SMYD5: variants seen among roughly 807,000 people sequenced by gnomAD.
SMYD5 encodes protein-lysine N-trimethyltransferase SMYD5.
Under a neutral mutation model 57.4 loss-of-function variants are expected in SMYD5, and 35 were observed. The ratio of observed to expected loss-of-function variants is 0.61; its 90% confidence interval spans 0.47 to 0.81. The LOEUF (loss-of-function observed/expected upper bound fraction) is 0.81, where lower values mean the gene tolerates loss of function less well. Among genes scored for constraint, SMYD5 ranks in the 30% least tolerant of loss-of-function variants. SMYD5 has a pLI of 0.00. For missense variants in SMYD5, 471 were observed against 527.9 expected (o/e 0.89, Z 1.06); for synonymous variants, 198 against 189.7 (o/e 1.04, Z -0.36).
intron 6 of SMYD5, 70 bp from the exon 7 acceptor site, chr2:73,222,685 C>T (rs1257056677): frequency 5.8e-6 from 8 of 1,378,590 alleles, no homozygotes; most frequent in Non-Finnish European, 8.1e-6. Flanking sequence ...CCCTAGTCGC[C>T]TGGGCCCTGC....
chr2:73,223,372 C>A, intron 8 of SMYD5, 54 bp from the exon 9 acceptor site: 1 of 1,220,014 alleles, frequency 8.2e-7, no homozygotes, highest in Non-Finnish European at 1.2e-6. Context: ...AGGTGGAGAG[C>A]CCTGTGACCT....
chr2:73,220,763 A>G lies in SMYD5; in HGVS notation c.448A>G (p.Lys150Glu), dbSNP rs1289738998. 6.2e-7 allele frequency: 1 copy of G among 1,613,660 alleles called. No homozygotes were observed. The highest frequency in any genetic ancestry group is 8.5e-7 in the Non-Finnish European group (1 of 1,179,940). Residue 150 changes from lysine (K) to glutamate (E), a missense_variant, in exon 4 of 13, where the codon AAG (lysine) becomes GAG (glutamate). Lys to Glu is a moderately conservative substitution (Grantham distance 56). Transcript: ENST00000389501. ...SQDDPLHPLN[K>E]LQEAWRSIHY... ...GGATGACCCCTTGCATCCTCTCAAT[A>G]AGCTTCAGGAGGCATGGAGGTAGGT...
intron 7 of SMYD5, 68 bp from the exon 8 acceptor site, chr2:73,222,964 CCAAA>C (rs1686423807): frequency 3.3e-6 from 5 of 1,531,728 alleles, no homozygotes; most frequent in Admixed American, 1.7e-5. Context: ...AGAAGGCTTC[CCAAA>C]CAGAGAGTCC....
At chr2:73,224,604 C>G (rs146605813) in intron 10 of SMYD5, among the ~76,000 whole-genome samples, 55 of 152,320 alleles carry the variant, frequency 3.6e-4, no homozygotes, top group African/African-American at 1.2e-3. Context: ...CTGTCCCTCC[C>G]TTTGCGAGAC....
rs1686454446 is a variant in SMYD5 at position 73,224,001 on chromosome 2, G to T, written c.938G>T (p.Cys313Phe). The T allele has an allele frequency of 1.2e-6, 2 of 1,614,094 alleles. No individual in the cohort carries two copies. Among genetic ancestry groups the T allele is most frequent in the Non-Finnish European group, 1.7e-6 (2 of 1,179,934 alleles). Residue 313 changes from cysteine (C) to phenylalanine (F), a missense_variant and splice_region_variant, in exon 10 of 13, where the codon TGC (cysteine) becomes TTC (phenylalanine). Coordinates refer to ENST00000389501, the MANE Select transcript of SMYD5 (RefSeq NM_006062.3). ...EGSGLFVLQS[C>F]CNHSCVPNAE... Reference sequence around the variant, plus strand: ...TCTGGCCTCTTTGTGCTTCAGAGCTGCTGTGAGTCATGGCGTTGAGGAGGG... The same window carrying T: ...TCTGGCCTCTTTGTGCTTCAGAGCTTCTGTGAGTCATGGCGTTGAGGAGGG...
chr2:73,218,836 C>T (rs1307803890), intron 1 of SMYD5, 25 bp from the exon 2 acceptor site: 1 of 1,550,900 alleles, frequency 6.4e-7, no homozygotes, highest in East Asian at 2.2e-5. Flanking sequence ...CTTTTTATGG[C>T]CATCCTATCC....
At chr2:73,216,424 C>T (rs1366526822) in intron 1 of SMYD5, among the ~76,000 whole-genome samples, 2 of 150,406 alleles carry the variant, frequency 1.3e-5, no homozygotes, top group African/African-American at 2.4e-5. Context: ...GGCGTGGTGG[C>T]TCACACCTGT....
At chr2:73,224,817 A>G (rs755888852) in intron 10 of SMYD5, 49 bp from the exon 11 acceptor site, 19 of 1,384,154 alleles carry the variant, frequency 1.4e-5, no homozygotes, top group South Asian at 1.2e-5. Flanking sequence ...AATTGAGGCT[A>G]TTATTTTTTT....
chr2:73,221,146 CTT>C lies in SMYD5; in HGVS notation c.468-14_468-13del. 2 of 1,611,110 alleles carry C rather than the reference CTT, an allele frequency of 1.2e-6. No homozygotes were observed. Among genetic ancestry groups the C allele is most frequent in the Non-Finnish European group, 1.7e-6 (2 of 1,177,324 alleles). On this transcript the variant is annotated splice_polypyrimidine_tract_variant and intron_variant, in intron 4 of 12. Coordinates refer to ENST00000389501, the MANE Select transcript of SMYD5 (RefSeq NM_006062.3). Reference sequence around the variant, plus strand: ...CTAGGGAGAGAATTTCTAGGCCAATCTTTTTTCTCTTTCCCCAGGAGTATTCA... The same window carrying C: ...CTAGGGAGAGAATTTCTAGGCCAATCTTTTCTCTTTCCCCAGGAGTATTCA...
At chr2:73,220,803 TCTTTC>T (rs777556624) in intron 4 of SMYD5, 21 bp downstream of exon 4, 30 of 1,612,798 alleles carry the variant, frequency 1.9e-5, no homozygotes, top group Non-Finnish European at 2.2e-5. Context: ...TTTCCTCTCT[TCTTTC>T]CTTTATCCTT....
At position 73,225,671 on chromosome 2, in the gene SMYD5, G is replaced by A. The variant is rs963050488; in HGVS notation, c.1076G>A (p.Arg359His). Residue 359 changes from arginine (R) to histidine (H), a missense_variant, in exon 12 of 13, where the codon CGC becomes CAC. Coordinates refer to ENST00000389501, the MANE Select transcript of SMYD5 (RefSeq NM_006062.3). Reference protein sequence around the residue: ...ISYLDCCQRERSRHSRHKILR... With the variant: ...ISYLDCCQREHSRHSRHKILR... The stretch of plus-strand genomic sequence containing the variant: ...TACTTGGACTGCTGTCAGCGGGAGC[G>A]CAGCCGCCACAGCCGCCACAAGATC... The A allele has an allele frequency of 3.0e-5, 49 of 1,614,032 alleles. No homozygotes were observed. The highest frequency in any genetic ancestry group is 3.6e-5 in the Non-Finnish European group (42 of 1,180,024).
rs958062828 is a variant in SMYD5, at chr2:73,226,008, A to G, written c.*62A>G. ...TGCCAGAAAAGGGGGCTCTTCCCCC[A>G]GAGAAGTGGCTTGGAGGGAACTTCC... On this transcript the variant is annotated 3_prime_UTR_variant, in exon 13 of 13. Coordinates refer to ENST00000389501, the MANE Select transcript of SMYD5 (RefSeq NM_006062.3). The G allele has an allele frequency of 2.8e-5, 43 of 1,529,278 alleles. No individual in the cohort carries two copies. The East Asian group carries it at 1.0e-3, about 36-fold the overall frequency. The allele number at this position is 1,529,278 out of a possible 1,614,324, so 94.7% of individuals were successfully genotyped here. A position where few individuals can be genotyped will look rare whatever the true frequency, so the allele number is the denominator to read the frequency against.
chr2:73,217,245 C>T (rs113197907), intron 1 of SMYD5, among the ~76,000 whole-genome samples: 4 of 152,264 alleles, frequency 2.6e-5, no homozygotes, highest in African/African-American at 4.8e-5. Flanking sequence ...CCACTGCGCC[C>T]GGCCCAACCT....
At chr2:73,214,398 C>T (rs539094695) in intron 1 of SMYD5, 36 bp downstream of exon 1, 2 of 1,612,104 alleles carry the variant, frequency 1.2e-6, no homozygotes, top group African/African-American at 2.7e-5. Flanking sequence ...GAGCCTCTCC[C>T]CAGTCCGGCC....
chr2:73,217,962 C>T (rs1686319388), intron 1 of SMYD5, among the ~76,000 whole-genome samples: 1 of 152,102 alleles, frequency 6.6e-6, no homozygotes, highest in South Asian at 2.1e-4. Context: ...TGTTTTAGAC[C>T]AGTGCTTCTC....
chr2:73,218,878 C>T lies in SMYD5; in HGVS notation c.114C>T (p.Ala38=). The T allele has an allele frequency of 6.2e-7, 1 of 1,614,030 alleles. No individual in the cohort carries two copies. Among genetic ancestry groups the T allele is most frequent in the East Asian group, 2.2e-5 (1 of 44,878 alleles). ...VSSAKGKGLF[A]TQLIRKGETI... is the part of the protein sequence containing the mutation. ...CCTCTCAGGGAAAGGGGCTGTTTGC[C>T]ACACAGCTCATCCGGAAGGGGGAGA... Residue 38 remains alanine, a synonymous_variant, in exon 2 of 13, where the codon GCC becomes GCT. Transcript: ENST00000389501.
intron 1 of SMYD5, among the ~76,000 whole-genome samples, chr2:73,218,006 T>C (rs1686319937): frequency 6.6e-6 from 1 of 152,214 alleles, no homozygotes; most frequent in African/African-American, 2.4e-5. Context: ...CTGGGCATCT[T>C]GTTACGATGC....
rs771739231 is a variant in SMYD5 at position 73,221,855 on chromosome 2, C to CT, written c.571dup (p.Ser191PhefsTer5). The CT allele has an allele frequency of 1.2e-6, 2 of 1,613,910 alleles. No homozygotes were observed. Among genetic ancestry groups the CT allele is most frequent in the African/African-American group, 1.3e-5 (1 of 74,918 alleles). On this transcript the variant is annotated frameshift_variant, in exon 6 of 13. Coordinates refer to ENST00000389501, the MANE Select transcript of SMYD5 (RefSeq NM_006062.3). LOFTEE classifies it high-confidence loss of function. ...AGGACAAGGACCGTTGGATCAGACT[C>CT]TTTTCCCAGTTTTGTAACAAAACAG...
At chr2:73,225,285 G>T in intron 11 of SMYD5, 1 of 485,966 alleles carries the variant, frequency 2.1e-6, no homozygotes. Flanking sequence ...TTAGGGTCTT[G>T]TCTGTTAGTG....
Sources: gnomAD v4.1 joint callset for allele counts (sites outside exome capture counted in the v4.1 genomes callset) on GRCh38, gnomAD v4.1.1 for gene constraint, MANE v1.5 for transcripts, NCBI Gene and HGNC (gene_info 2026-07-23, HGNC 2026-07-21) for gene names.